FGGY: variants seen among roughly 807,000 people sequenced by gnomAD.
FGGY encodes the protein FGGY carbohydrate kinase domain-containing protein.
A neutral mutation model predicts 71.3 loss-of-function variants in FGGY; 72 were observed. That is an observed-to-expected ratio of 1.01 (90% CI 0.84 to 1.23). The LOEUF is 1.23. Ranked by LOEUF, FGGY falls within the 50% of genes most tolerant of loss-of-function variation. The pLI is 0.00. For missense variants in FGGY, 668 were observed against 682.3 expected (o/e 0.98, Z 0.23); for synonymous variants, 251 against 250.3 (o/e 1.00, Z -0.02).
At chr1:59,560,998 C>G (rs1377535526) in intron 8 of FGGY, among the ~76,000 whole-genome samples, 2 of 152,156 alleles carry the variant, frequency 1.3e-5, no homozygotes, top group Non-Finnish European at 2.9e-5. Context: ...GCTGACTTCC[C>G]CTGAGGCCTG....
At chr1:59,337,154 A>G (rs2049765235) in intron 2 of FGGY, among the ~76,000 whole-genome samples, 1 of 151,680 alleles carries the variant, frequency 6.6e-6, no homozygotes, top group African/African-American at 2.4e-5. Flanking sequence ...AGGGAATGCC[A>G]GTAGTGTGGC....
At chr1:59,570,624 T>C (rs764967290) in intron 8 of FGGY, among the ~76,000 whole-genome samples, 3 of 152,126 alleles carry the variant, frequency 2.0e-5, no homozygotes, top group Non-Finnish European at 4.4e-5. Flanking sequence ...TGTTTGTAGT[T>C]CTGTGCAGAC....
chr1:59,570,817 A>T (rs1214685668), intron 8 of FGGY, among the ~76,000 whole-genome samples: 1 of 152,202 alleles, frequency 6.6e-6, no homozygotes, highest in African/African-American at 2.4e-5. Flanking sequence ...ATGAAAGATG[A>T]TGATGCCACC....
chr1:59,559,927 A>G (rs968622937), intron 8 of FGGY, among the ~76,000 whole-genome samples: 4 of 152,356 alleles, frequency 2.6e-5, no homozygotes, highest in Admixed American at 2.6e-4. Flanking sequence ...AAAGATTCCA[A>G]ATAATTTATA....
intron 7 of FGGY, among the ~76,000 whole-genome samples, chr1:59,535,424 G>A (rs1349513560): frequency 1.3e-5 from 2 of 152,084 alleles, no homozygotes; most frequent in South Asian, 2.1e-4. Flanking sequence ...ACAGATCAAC[G>A]AGAGAGAAAG....
intron 11 of FGGY, among the ~76,000 whole-genome samples, chr1:59,658,906 G>A (rs1239672906): frequency 6.6e-6 from 1 of 152,210 alleles, no homozygotes; most frequent in African/African-American, 2.4e-5. Context: ...GCTTAAATAT[G>A]GGAAGACAGG....
At chr1:59,367,287 C>T (rs1490207262) in intron 4 of FGGY, among the ~76,000 whole-genome samples, 1 of 152,202 alleles carries the variant, frequency 6.6e-6, no homozygotes, top group Non-Finnish European at 1.5e-5. Context: ...TTATGACCTA[C>T]TCCATGCTTC....
intron 7 of FGGY, among the ~76,000 whole-genome samples, chr1:59,521,958 A>G (rs1166663876): frequency 6.6e-6 from 1 of 152,230 alleles, no homozygotes; most frequent in Admixed American, 6.5e-5. Context: ...AGCTCCAAAG[A>G]ATCTCCTCCA....
At chr1:59,497,020 C>T (rs1008427043) in intron 6 of FGGY, among the ~76,000 whole-genome samples, 12 of 152,210 alleles carry the variant, frequency 7.9e-5, no homozygotes, top group Admixed American at 2.0e-4. Context: ...GGCCTAACTA[C>T]CACAACTCTG....
intron 7 of FGGY, among the ~76,000 whole-genome samples, chr1:59,527,292 T>A (rs1333169244): frequency 6.6e-6 from 1 of 152,206 alleles, no homozygotes; most frequent in African/African-American, 2.4e-5. Flanking sequence ...CCGAAATTAT[T>A]TGCTCCCTAC....
At chr1:59,527,802 T>G (rs2095032407) in intron 7 of FGGY, among the ~76,000 whole-genome samples, 1 of 152,200 alleles carries the variant, frequency 6.6e-6, no homozygotes, top group African/African-American at 2.4e-5. Flanking sequence ...TTTGATTACT[T>G]CCAATCATCC....
In FGGY at chr1:59,378,681, A is replaced by C. The variant is rs955594273; in HGVS notation, c.466-68A>C. 5.5e-6 allele frequency: 8 copies of C among 1,442,142 alleles called. No individual in the cohort carries two copies. The African/African-American group carries it at 1.0e-4, about 18-fold the overall frequency. 89.3% of individuals were successfully genotyped at this position (1,442,142 alleles called of 1,614,324 possible). A position where few individuals can be genotyped will look rare whatever the true frequency, so the allele number is the denominator to read the frequency against. On this transcript the variant is annotated intron_variant, in intron 4 of 15. Transcript: ENST00000303721. Reference sequence around the variant, plus strand: ...TATGCTTTTGTTTTGAAAAATTTGAAACATTATTGAAAGAGGAGATGGTAG... The same window carrying C: ...TATGCTTTTGTTTTGAAAAATTTGACACATTATTGAAAGAGGAGATGGTAG...
intron 5 of FGGY, among the ~76,000 whole-genome samples, chr1:59,420,670 G>T (rs563627548): frequency 2.0e-5 from 3 of 152,178 alleles, no homozygotes; most frequent in Non-Finnish European, 4.4e-5. Context: ...TTTTCCAAGT[G>T]CTTGTACCCT....
chr1:59,688,425 T>G (rs1319457614), intron 14 of FGGY, among the ~76,000 whole-genome samples: 3 of 152,188 alleles, frequency 2.0e-5, no homozygotes, highest in Non-Finnish European at 4.4e-5. Flanking sequence ...TCTAATCTTT[T>G]TGTCAGTTTC....
chr1:59,495,369 C>G (rs1375006419), intron 6 of FGGY, among the ~76,000 whole-genome samples: 1 of 152,010 alleles, frequency 6.6e-6, no homozygotes, highest in East Asian at 1.9e-4. Context: ...GCTTTTGTTG[C>G]AATTGCTTTT....
At chr1:59,672,170 T>A (rs2097385263) in intron 13 of FGGY, among the ~76,000 whole-genome samples, 1 of 152,250 alleles carries the variant, frequency 6.6e-6, no homozygotes, top group Admixed American at 6.5e-5. Context: ...AGCCCTGTAG[T>A]GTGGCCTGGC....
intron 5 of FGGY, among the ~76,000 whole-genome samples, chr1:59,400,935 G>A (rs2061882956): frequency 6.6e-6 from 1 of 151,852 alleles, no homozygotes. Context: ...ACCATGCTTG[G>A]CCTCTGTAAT....
At chr1:59,714,910 C>T (rs1032379684) in intron 14 of FGGY, among the ~76,000 whole-genome samples, 17 of 152,168 alleles carry the variant, frequency 1.1e-4, no homozygotes, top group African/African-American at 3.9e-4. Flanking sequence ...TTTAAGTATG[C>T]TATCCTTGAC....
chr1:59,689,038 C>T (rs899712000), intron 14 of FGGY, among the ~76,000 whole-genome samples: 1 of 152,204 alleles, frequency 6.6e-6, no homozygotes, highest in Non-Finnish European at 1.5e-5. Context: ...GCGTGAGCCA[C>T]CTCGTCTGGC....
Sources: allele counts gnomAD v4.1 joint callset (sites outside exome capture counted in the v4.1 genomes callset), GRCh38; gene constraint gnomAD v4.1.1; transcripts MANE v1.5; gene names NCBI Gene and HGNC (gene_info 2026-07-23, HGNC 2026-07-21).